The following ZNF672 variants were observed in gnomAD, a reference collection of about 807,000 sequenced individuals.
ZNF672 encodes zinc finger protein 672.
For synonymous variants in ZNF672, 358 were observed against 305.6 expected (o/e 1.17, Z -1.79); for missense variants, 733 against 701.1 (o/e 1.05, Z -0.51).
At position 248,845,060 on chromosome 1, in the gene ZNF672, C is replaced by A. The variant is rs898673208; in HGVS notation, c.-321+424C>A. ...GGTGGATCACCTGAGGTCAGAAGTT[C>A]AAAACCAGCCTGGCCAAGATGGTGA... On this transcript the variant is annotated intron_variant, in intron 2 of 3. Transcript: ENST00000306562. Among the ~76,000 whole-genome samples the A allele has an allele frequency of 1.5e-4, 23 of 152,278 alleles. No individual in the cohort carries two copies. The South Asian group carries it at 1.7e-3, about 11-fold the overall frequency.
chr1:248,841,629 G>C (rs996570488), intron 1 of ZNF672, among the ~76,000 whole-genome samples: 2 of 152,148 alleles, frequency 1.3e-5, no homozygotes, highest in African/African-American at 4.8e-5. Flanking sequence ...ACTTTCAAAA[G>C]AATATATTTG....
Position 248,846,967 on chromosome 1 carries a change from A to G in ZNF672, c.-223-85A>G, listed in dbSNP as rs1664770101. The G allele has an allele frequency of 9.0e-6, 3 of 332,072 alleles. No individual in the cohort carries two copies. The Admixed American group carries it at 1.3e-4, about 14-fold the overall frequency. 20.6% of individuals were successfully genotyped at this position (332,072 alleles called of 1,614,324 possible). A position where few individuals can be genotyped will look rare whatever the true frequency, so the allele number is the denominator to read the frequency against. ...AATCCTGGAGATGGACTACCTAAAG[A>G]AGTTATAACAAATAGGGAGTTCGTG... On this transcript the variant is annotated intron_variant, in intron 3 of 3. Coordinates refer to ENST00000306562, the MANE Select transcript of ZNF672 (RefSeq NM_024836.3).
At position 248,849,069 on chromosome 1, in the gene ZNF672, G is replaced by A; in HGVS notation, c.*436G>A. The A allele has an allele frequency of 4.2e-6, 2 of 480,980 alleles. No homozygotes were observed. Among genetic ancestry groups the A allele is most frequent in the South Asian group, 1.5e-5 (1 of 64,646 alleles). The allele number at this position is 480,980 out of a possible 1,614,324, so 29.8% of individuals were successfully genotyped here. Reference sequence around the variant, plus strand: ...TGTTGTCCTGCCTCTTCAGGTAATGGTCACAGATTTGGCTGTAGGCACGTT... The same window carrying A: ...TGTTGTCCTGCCTCTTCAGGTAATGATCACAGATTTGGCTGTAGGCACGTT... On this transcript the variant is annotated 3_prime_UTR_variant, in exon 4 of 4. Coordinates refer to ENST00000306562, the MANE Select transcript of ZNF672 (RefSeq NM_024836.3).
chr1:248,844,670 G>A (rs755594655), intron 2 of ZNF672, 34 bp downstream of exon 2: 1 of 152,284 alleles, frequency 6.6e-6, no homozygotes, highest in African/African-American at 2.4e-5. Context: ...AAGTCTACAC[G>A]TTGGTATTTG....
At chr1:248,841,064 G>A (rs554774466) in intron 1 of ZNF672, among the ~76,000 whole-genome samples, 21 of 152,168 alleles carry the variant, frequency 1.4e-4, no homozygotes, top group Non-Finnish European at 2.6e-4. Flanking sequence ...GTGCTGTGGA[G>A]GATATGATGA....
At chr1:248,839,080 G>C (rs568525143) in intron 1 of ZNF672, 3 of 152,238 alleles carry the variant, frequency 2.0e-5, no homozygotes, top group East Asian at 3.9e-4. Context: ...TTCAGGTGCC[G>C]TGTTCCGCAT....
Position 248,849,217 on chromosome 1 carries a change from C to T in ZNF672, c.*584C>T, listed in dbSNP as rs1659288947. 1 of 409,806 alleles carries T rather than the reference C, an allele frequency of 2.4e-6. No individual in the cohort carries two copies. Among genetic ancestry groups the T allele is most frequent in the Non-Finnish European group, 5.0e-6 (1 of 199,302 alleles). The allele number at this position is 409,806 out of a possible 1,614,324, so 25.4% of individuals were successfully genotyped here. The stretch of plus-strand genomic sequence containing the variant: ...ATGTCTCCATGCTAGGAGCTGCCTG[C>T]ACCCTGGCAGAGGTGGCCAGTCACG... On this transcript the variant is annotated 3_prime_UTR_variant, in exon 4 of 4. Coordinates refer to ENST00000306562, the MANE Select transcript of ZNF672 (RefSeq NM_024836.3).
In ZNF672 at chr1:248,848,083, TGCTGCGCCATCG is replaced by T; in HGVS notation, c.812_823del (p.Leu271_Arg274del). On this transcript the variant is annotated inframe_deletion, in exon 4 of 4. Transcript: ENST00000306562. ...CGCTGCTTCAGCGAGAGTTCCACGC[TGCTGCGCCATCG>T]GCGCAGCCATCAGGGCGAGCGGCCA... 6.5e-7 allele frequency: 1 copy of T among 1,549,322 alleles called. No individual in the cohort carries two copies. The highest frequency in any genetic ancestry group is 8.7e-7 in the Non-Finnish European group (1 of 1,148,372).
At chr1:248,843,102 C>A (rs1367975688) in intron 1 of ZNF672, among the ~76,000 whole-genome samples, 1 of 152,136 alleles carries the variant, frequency 6.6e-6, no homozygotes, top group African/African-American at 2.4e-5. Context: ...CCTAGGGAGA[C>A]TGAGAGATGG....
At position 248,848,546 on chromosome 1, in the gene ZNF672, C is replaced by T. The variant is rs148749611; in HGVS notation, c.1272C>T (p.Ala424=). ...QRAHTRARTA[A]AVAIQSAVGT... ...CCCACACGCGCGCCCGCACCGCTGC[C>T]GCCGTTGCCATCCAGTCCGCAGTGG... The change falls in exon 4 of 4, where the codon GCC becomes GCT. Residue 424 remains alanine, a synonymous_variant. Coordinates refer to ENST00000306562, the MANE Select transcript of ZNF672 (RefSeq NM_024836.3). The T allele has an allele frequency of 2.5e-6, 4 of 1,599,378 alleles. No individual in the cohort carries two copies. Among genetic ancestry groups the T allele is most frequent in the African/African-American group, 1.3e-5 (1 of 74,668 alleles).
rs747400464 is a variant in ZNF672, at chr1:248,847,650, C to G, written c.376C>G (p.Arg126Gly). 88 of 1,501,296 alleles carry G rather than the reference C, an allele frequency of 5.9e-5. No homozygotes were observed. The highest frequency in any genetic ancestry group is 7.2e-5 in the Non-Finnish European group (81 of 1,128,994). 93.0% of individuals were successfully genotyped at this position (1,501,296 alleles called of 1,614,324 possible). The stretch of plus-strand genomic sequence containing the variant: ...CCGGCGCCGCCAGCATCTGCCAGAG[C>G]GGCCCCGCCGCTGCCCGCTGTGCGC... Reference protein sequence around the residue: ...LHRRRQHLPERPRRCPLCART... With the variant: ...LHRRRQHLPEGPRRCPLCART... The change falls in exon 4 of 4, where the codon CGG becomes GGG. Residue 126 changes from arginine (R) to glycine (G), a missense_variant. By Grantham distance (125) the Arg-to-Gly change is moderately radical. Transcript: ENST00000306562.
At position 248,847,808 on chromosome 1, in the gene ZNF672, GC is replaced by G; in HGVS notation, c.535del (p.Arg179GlyfsTer36). 6.5e-7 allele frequency: 1 copy of G among 1,549,442 alleles called. No homozygotes were observed. Among genetic ancestry groups the G allele is most frequent in the Non-Finnish European group, 8.7e-7 (1 of 1,151,346 alleles). On this transcript the variant is annotated frameshift_variant, in exon 4 of 4. Coordinates refer to ENST00000306562, the MANE Select transcript of ZNF672 (RefSeq NM_024836.3). LOFTEE classifies it low-confidence loss of function (END_TRUNC). Reference protein sequence around the residue: ...PRAFRSGAGLRSHARIHVSRS... With the variant: ...PRAFRSGAGLXSHARIHVSRS... The stretch of plus-strand genomic sequence containing the variant: ...GAGCCTTCCGAAGCGGCGCCGGGCT[GC>G]GGAGTCACGCGCGCATCCACGTGTC...
intron 1 of ZNF672, among the ~76,000 whole-genome samples, chr1:248,843,123 C>T (rs1336359699): frequency 6.6e-6 from 1 of 152,152 alleles, no homozygotes; most frequent in Non-Finnish European, 1.5e-5. Flanking sequence ...GCTACGTGGC[C>T]TGCTGACTTA....
chr1:248,843,968 A>T (rs2103028543), intron 1 of ZNF672, among the ~76,000 whole-genome samples: 1 of 152,268 alleles, frequency 6.6e-6, no homozygotes, highest in South Asian at 2.1e-4. Context: ...TGACTTCAAG[A>T]TGACCGCTTG....
Position 248,848,043 on chromosome 1 carries a change from T to C in ZNF672, c.769T>C (p.Cys257Arg). Residue 257 changes from cysteine (C) to arginine (R), a missense_variant, in exon 4 of 4, where the codon TGT (cysteine) becomes CGT (arginine). Transcript: ENST00000306562. The stretch of plus-strand genomic sequence containing the variant: ...ACACACGGGCGAGAAGCCGTACGCA[T>C]GTGGCGACTGTGGACGCTGCTTCAG... ...RTHTGEKPYACGDCGRCFSES... is the reference protein window; with the variant it reads ...RTHTGEKPYARGDCGRCFSES... 1 of 1,552,178 alleles carries C rather than the reference T, an allele frequency of 6.4e-7. No homozygotes were observed. The highest frequency in any genetic ancestry group is 8.7e-7 in the Non-Finnish European group (1 of 1,148,394).
At chr1:248,843,028 CTG>C (rs1466700970) in intron 1 of ZNF672, among the ~76,000 whole-genome samples, 7 of 152,288 alleles carry the variant, frequency 4.6e-5, no homozygotes, top group African/African-American at 1.4e-4. Flanking sequence ...ACAGCCAGGT[CTG>C]TCCCTGCTGC....
In ZNF672 at chr1:248,847,699, T is replaced by A; in HGVS notation, c.425T>A (p.Leu142Gln). The change falls in exon 4 of 4, where the codon CTG becomes CAG. Residue 142 changes from leucine (L) to glutamine (Q), a missense_variant. Leu to Gln is a moderately radical substitution (Grantham distance 113). Coordinates refer to ENST00000306562, the MANE Select transcript of ZNF672 (RefSeq NM_024836.3). ...LCARTFRQSA[L>Q]LFHQARAHPL... ...GCCCGCACCTTCCGGCAGAGCGCGC[T>A]GCTCTTCCACCAGGCGCGGGCGCAC... is the stretch of plus-strand genomic sequence containing the variant. The A allele has an allele frequency of 6.8e-7, 1 of 1,463,608 alleles. No homozygotes were observed. The highest frequency in any genetic ancestry group is 1.3e-5 in the South Asian group (1 of 74,314). 90.7% of individuals were successfully genotyped at this position (1,463,608 alleles called of 1,614,324 possible).
At position 248,848,915 on chromosome 1, in the gene ZNF672, G is replaced by C. The variant is rs534284505; in HGVS notation, c.*282G>C. 5.9e-6 allele frequency: 4 copies of C among 683,100 alleles called. No individual in the cohort carries two copies. In the South Asian group the frequency reaches 6.0e-5, roughly 10 times the overall value. The allele number at this position is 683,100 out of a possible 1,614,324, so 42.3% of individuals were successfully genotyped here. Reference sequence around the variant, plus strand: ...AACCCTTAGACTCCCCTGTGTGCAAGAGCCCAGGTGTTGGTGTGTCCCTTT... The same window carrying C: ...AACCCTTAGACTCCCCTGTGTGCAACAGCCCAGGTGTTGGTGTGTCCCTTT... On this transcript the variant is annotated 3_prime_UTR_variant, in exon 4 of 4. Coordinates refer to ENST00000306562, the MANE Select transcript of ZNF672 (RefSeq NM_024836.3).
chr1:248,845,914 T>C (rs1664753219), intron 3 of ZNF672, among the ~76,000 whole-genome samples: 1 of 152,152 alleles, frequency 6.6e-6, no homozygotes, highest in Non-Finnish European at 1.5e-5. Flanking sequence ...TCGTCAGTGC[T>C]GAGGCCAGGT....
Sources: gnomAD v4.1 joint callset for allele counts (sites outside exome capture counted in the v4.1 genomes callset) on GRCh38, gnomAD v4.1.1 for gene constraint, MANE v1.5 for transcripts, NCBI Gene and HGNC (gene_info 2026-07-23, HGNC 2026-07-21) for gene names.